The following AUTS2 variants were observed in gnomAD, a reference collection of about 807,000 sequenced individuals.
The protein encoded by AUTS2 is autism susceptibility gene 2 protein.
AUTS2 carries 17 observed loss-of-function variants against 112.4 expected under a neutral mutation model. The ratio of observed to expected loss-of-function variants is 0.15; its 90% CI spans 0.10 to 0.23. The LOEUF is 0.23. Among genes scored for constraint, AUTS2 ranks in the 10% least tolerant of loss-of-function variants. The pLI is 1.00. For missense variants in AUTS2, 1,510 were observed against 1,701.6 expected, an observed-to-expected ratio of 0.89 and a Z score of 1.98; for synonymous variants, 751 against 702.7, an observed-to-expected ratio of 1.07 and a Z score of -1.09.
At chr7:69,647,595 A>G (rs767817425) in intron 1 of AUTS2, among the ~76,000 whole-genome samples, 17 of 152,050 alleles carry the variant, frequency 1.1e-4, no homozygotes, top group Non-Finnish European at 1.9e-4. Context: ...GGCTCAAACA[A>G]TCCTCCTGCC....
At chr7:70,501,255 A>G (rs988901541) in intron 5 of AUTS2, among the ~76,000 whole-genome samples, 23 of 152,184 alleles carry the variant, frequency 1.5e-4, no homozygotes, top group African/African-American at 5.5e-4. Flanking sequence ...GGGGCACATG[A>G]TCAGAATGTG....
At chr7:70,573,383 A>G (rs941695020) in intron 5 of AUTS2, among the ~76,000 whole-genome samples, 1 of 152,226 alleles carries the variant, frequency 6.6e-6, no homozygotes, top group Non-Finnish European at 1.5e-5. Context: ...GAAAGGCACC[A>G]CGCTGTTTTC....
rs79759879 is a variant in AUTS2 at position 70,614,016 on chromosome 7, G to A, written c.691-84553G>A. 1.2e-3 allele frequency among the ~76,000 whole-genome samples: 180 copies of A among 152,262 alleles called. 1 individual carries two copies. The highest frequency in any genetic ancestry group is 1.8e-3 in the Non-Finnish European group (122 of 68,026). On this transcript the variant is annotated intron_variant, in intron 5 of 18. Transcript: ENST00000342771. ...AAGGCTAGGGTAGTTAGTGGGTGGC[G>A]GCTAAACAGGGAGCCAGGGCTGTGA...
chr7:70,611,698 G>A (rs1281474756), intron 5 of AUTS2, among the ~76,000 whole-genome samples: 3 of 152,166 alleles, frequency 2.0e-5, no homozygotes, highest in Admixed American at 1.3e-4. Context: ...AGTCACAATG[G>A]ATAACTATCT....
At chr7:69,875,304 A>G (rs529507191) in intron 1 of AUTS2, among the ~76,000 whole-genome samples, 2 of 152,264 alleles carry the variant, frequency 1.3e-5, no homozygotes, top group African/African-American at 4.8e-5. Context: ...TGTGTATCTA[A>G]ATGGTACTAG....
chr7:70,217,348 A>T (rs983920841), intron 4 of AUTS2, among the ~76,000 whole-genome samples: 11 of 152,306 alleles, frequency 7.2e-5, no homozygotes, highest in African/African-American at 2.2e-4. Context: ...GGTGACATGG[A>T]CTACTTAGAA....
intron 4 of AUTS2, among the ~76,000 whole-genome samples, chr7:70,175,858 G>A (rs1306387957): frequency 6.6e-6 from 1 of 152,098 alleles, no homozygotes; most frequent in South Asian, 2.1e-4. Flanking sequence ...TATCAATTAT[G>A]TTAATAACTT....
chr7:70,130,860 T>C (rs1413963993), intron 3 of AUTS2, among the ~76,000 whole-genome samples: 1 of 152,202 alleles, frequency 6.6e-6, no homozygotes, highest in Non-Finnish European at 1.5e-5. Flanking sequence ...TTAATAGTTC[T>C]CATTTCTACC....
At chr7:69,607,307 C>T (rs772818849) in intron 1 of AUTS2, among the ~76,000 whole-genome samples, 16 of 152,144 alleles carry the variant, frequency 1.1e-4, no homozygotes, top group Non-Finnish European at 2.1e-4. Context: ...CACCTGCTGC[C>T]CACCTCCCTC....
chr7:70,771,933 T>C (rs1468501119), intron 11 of AUTS2, among the ~76,000 whole-genome samples: 3 of 152,164 alleles, frequency 2.0e-5, no homozygotes. Flanking sequence ...ACTACCAATA[T>C]CGTGGACATA....
chr7:70,761,792 G>A (rs538760978), intron 6 of AUTS2, among the ~76,000 whole-genome samples: 7 of 152,224 alleles, frequency 4.6e-5, no homozygotes, highest in South Asian at 4.2e-4. Flanking sequence ...TTTCTTTCAC[G>A]ATTGTAGAAT....
chr7:70,165,203 T>C (rs1347848154), intron 4 of AUTS2, among the ~76,000 whole-genome samples: 2 of 152,074 alleles, frequency 1.3e-5, no homozygotes. Context: ...AATGGAGCAT[T>C]GCCATAGAAA....
chr7:70,547,709 T>G lies in AUTS2; in HGVS notation c.690+111928T>G, dbSNP rs549083928. On this transcript the variant is annotated intron_variant, in intron 5 of 18. Transcript: ENST00000342771. ...CGTTTTGTTTATCTGTTCATCAGCT[T>G]ATGGACATTTGGATTATTTCTACTT... 1.7e-3 allele frequency among the ~76,000 whole-genome samples: 262 copies of G among 152,334 alleles called. 1 individual carries two copies. The highest frequency in any genetic ancestry group is 5.6e-3 in the South Asian group (27 of 4,826).
At chr7:69,764,985 G>A (rs1441242809) in intron 1 of AUTS2, among the ~76,000 whole-genome samples, 7 of 152,166 alleles carry the variant, frequency 4.6e-5, no homozygotes, top group Admixed American at 2.0e-4. Context: ...ACGTGAGTAC[G>A]TTGATAATAT....
At chr7:70,605,241 T>A (rs1803669029) in intron 5 of AUTS2, among the ~76,000 whole-genome samples, 1 of 152,242 alleles carries the variant, frequency 6.6e-6, no homozygotes, top group Non-Finnish European at 1.5e-5. Context: ...TCAATTTTTC[T>A]TTCCTTGGAA....
chr7:69,734,949 A>G (rs1180484128), intron 1 of AUTS2, among the ~76,000 whole-genome samples: 1 of 152,140 alleles, frequency 6.6e-6, no homozygotes, highest in African/African-American at 2.4e-5. Flanking sequence ...AATTTCAGAC[A>G]TTTTCTGGAG....
At chr7:70,069,023 A>G (rs1433566507) in intron 2 of AUTS2, among the ~76,000 whole-genome samples, 1 of 152,196 alleles carries the variant, frequency 6.6e-6, no homozygotes, top group African/African-American at 2.4e-5. Context: ...TTTCTAAAGC[A>G]TTGGGGGACT....
chr7:70,675,319 C>A (rs1170817699), intron 5 of AUTS2, among the ~76,000 whole-genome samples: 1 of 152,012 alleles, frequency 6.6e-6, no homozygotes, highest in African/African-American at 2.4e-5. Context: ...ATGGTGAAAC[C>A]CCGTTTCTGC....
At position 69,907,664 on chromosome 7, in the gene AUTS2, A is replaced by G. The variant is rs974103013; in HGVS notation, c.522+8166A>G. Among the ~76,000 whole-genome samples the G allele has an allele frequency of 1.3e-4, 20 of 152,350 alleles. No individual in the cohort carries two copies. The East Asian group carries it at 1.9e-3, about 15-fold the overall frequency. On this transcript the variant is annotated intron_variant, in intron 2 of 18. Coordinates refer to ENST00000342771, the MANE Select transcript of AUTS2 (RefSeq NM_015570.4). ...TTGTAGGCCACATTTTTGGTCTGCCATTGGTTGGATCCATGGATACAGAGG... is the reference window on the plus strand; with the variant it reads ...TTGTAGGCCACATTTTTGGTCTGCCGTTGGTTGGATCCATGGATACAGAGG...
Sources: allele counts gnomAD v4.1 joint callset (sites outside exome capture counted in the v4.1 genomes callset), GRCh38; gene constraint gnomAD v4.1.1; transcripts MANE v1.5; gene names NCBI Gene and HGNC (gene_info 2026-07-23, HGNC 2026-07-21).